Variants in ELL observed in about 807,000 individuals in gnomAD.
ELL encodes RNA polymerase II elongation factor ELL.
Under a neutral mutation model 64.0 loss-of-function variants are expected in ELL, and 18 were observed. That is an observed-to-expected ratio of 0.28 (90% confidence interval 0.19 to 0.42). The LOEUF is 0.42. Among genes scored for constraint, ELL ranks in the 10% least tolerant of loss-of-function variants. The probability of loss-of-function intolerance (pLI) is 1.00; values close to 1 mark genes in which losing one functional copy is unlikely to be tolerated. For synonymous variants in ELL, 399 were observed against 376.2 expected (o/e 1.06, Z -0.70); for missense variants, 797 against 870.4 (o/e 0.92, Z 1.06).
intron 1 of ELL, among the ~76,000 whole-genome samples, chr19:18,490,457 C>A (rs1409372687): frequency 6.6e-6 from 1 of 152,206 alleles, no homozygotes; most frequent in Non-Finnish European, 1.5e-5. Flanking sequence ...TTGTCCTCCC[C>A]GCAGCGGGAG....
chr19:18,474,875 C>A (rs1382055712), intron 1 of ELL, among the ~76,000 whole-genome samples: 1 of 152,208 alleles, frequency 6.6e-6, no homozygotes, highest in East Asian at 1.9e-4. Flanking sequence ...GTAATCCCAG[C>A]ACTTTGGGAG....
intron 6 of ELL, among the ~76,000 whole-genome samples, chr19:18,456,745 C>A (rs2007981): frequency 0.44 from 66,737 of 151,856 alleles, 16,531 homozygotes; most frequent in African/African-American, 0.69. Flanking sequence ...AACCACCCCC[C>A]AAAGCCACAT....
chr19:18,468,109 CCACACAAA>C (rs536707443), intron 2 of ELL, among the ~76,000 whole-genome samples: 55 of 149,376 alleles, frequency 3.7e-4, no homozygotes, highest in African/African-American at 1.3e-3. Context: ...CTACACACAA[CCACACAAA>C]CACAACCCAG....
At chr19:18,504,762 C>T (rs921242082) in intron 1 of ELL, among the ~76,000 whole-genome samples, 1 of 152,188 alleles carries the variant, frequency 6.6e-6, no homozygotes. Context: ...ACCAACACAC[C>T]CCATGGGCTG....
At chr19:18,483,240 T>C (rs1975342567) in intron 1 of ELL, among the ~76,000 whole-genome samples, 1 of 152,220 alleles carries the variant, frequency 6.6e-6, no homozygotes, top group Non-Finnish European at 1.5e-5. Context: ...TTTGTCTGCA[T>C]GCACCCTGGG....
At chr19:18,451,195 AGTGT>A (rs1974526042) in intron 7 of ELL, among the ~76,000 whole-genome samples, 1 of 152,180 alleles carries the variant, frequency 6.6e-6, no homozygotes, top group African/African-American at 2.4e-5. Flanking sequence ...GGCAGGGCCC[AGTGT>A]GTGAGCGGGC....
In ELL at chr19:18,444,264, G is replaced by A. The variant is rs1362607648; in HGVS notation, c.*488C>T. ...CCCTCAGAACGCAGCTGCACCTTTC[G>A]ACGACCTCTGTAATACTGCAGGCAG... On this transcript the variant is annotated 3_prime_UTR_variant, in exon 12 of 12. Coordinates refer to ENST00000262809, the MANE Select transcript of ELL (RefSeq NM_006532.4). 4.7e-5 allele frequency: 11 copies of A among 233,424 alleles called. No individual in the cohort carries two copies. The East Asian group carries it at 6.7e-4, about 14-fold the overall frequency. 14.5% of individuals were successfully genotyped at this position (233,424 alleles called of 1,614,324 possible).
intron 1 of ELL, among the ~76,000 whole-genome samples, chr19:18,490,618 T>C (rs1353181980): frequency 6.6e-6 from 1 of 152,236 alleles, no homozygotes; most frequent in Non-Finnish European, 1.5e-5. Context: ...TTGGGTCTGC[T>C]TGGTGTCTCC....
chr19:18,500,820 A>C (rs1975766318), intron 1 of ELL, among the ~76,000 whole-genome samples: 1 of 152,212 alleles, frequency 6.6e-6, no homozygotes, highest in Non-Finnish European at 1.5e-5. Context: ...TTAATACGTC[A>C]CTGAGGTACA....
intron 1 of ELL, among the ~76,000 whole-genome samples, chr19:18,496,037 G>A (rs1210919578): frequency 6.6e-6 from 1 of 152,222 alleles, no homozygotes. Context: ...GGACTGCAGA[G>A]GGCGTGGAGA....
rs765009910 is a variant in ELL, at chr19:18,461,867, C to G, written c.470-15G>C. 10 of 1,606,410 alleles carry G rather than the reference C, an allele frequency of 6.2e-6. No homozygotes were observed. The highest frequency in any genetic ancestry group is 1.7e-4 in the Middle Eastern group (1 of 6,026). The stretch of plus-strand genomic sequence containing the variant: ...AACCTTCTTGCCTGCAACAAGAATC[C>G]AAGCTTTAGGGAACAGAGAGGGCGC... On this transcript the variant is annotated splice_polypyrimidine_tract_variant and intron_variant, in intron 4 of 11. Transcript: ENST00000262809.
At chr19:18,481,157 C>G (rs1359224878) in intron 1 of ELL, among the ~76,000 whole-genome samples, 1 of 152,194 alleles carries the variant, frequency 6.6e-6, no homozygotes, top group African/African-American at 2.4e-5. Context: ...CTCCCCGCAC[C>G]CTCAGCAATC....
intron 1 of ELL, among the ~76,000 whole-genome samples, chr19:18,502,284 T>C (rs1475352723): frequency 6.6e-6 from 1 of 151,996 alleles, no homozygotes; most frequent in African/African-American, 2.4e-5. Flanking sequence ...GGGTGGACCA[T>C]GGAACAGCTG....
chr19:18,456,254 G>A (rs1057455771), intron 6 of ELL, among the ~76,000 whole-genome samples: 19 of 152,364 alleles, frequency 1.2e-4, no homozygotes, highest in African/African-American at 4.3e-4. Flanking sequence ...TTCAGCCTGC[G>A]GGGGCCGTGG....
Position 18,443,236 on chromosome 19 carries a change from T to C in ELL, c.*1516A>G, listed in dbSNP as rs1974331874. 2 of 232,168 alleles carry C rather than the reference T, an allele frequency of 8.6e-6. No individual in the cohort carries two copies. Among genetic ancestry groups the C allele is most frequent in the Non-Finnish European group, 1.7e-5 (2 of 117,378 alleles). The allele number at this position is 232,168 out of a possible 1,614,324, so 14.4% of individuals were successfully genotyped here. On this transcript the variant is annotated 3_prime_UTR_variant, in exon 12 of 12. Coordinates refer to ENST00000262809, the MANE Select transcript of ELL (RefSeq NM_006532.4). ...CAAAGAGAAAAACAACAACAGCTAT[T>C]GAAACATGAAGGATCAGTTTCCTCG...
At chr19:18,448,516 T>C (rs889005698) in intron 8 of ELL, 4 of 152,204 alleles carry the variant, frequency 2.6e-5, no homozygotes, top group African/African-American at 4.8e-5. Context: ...TGGGCATGTA[T>C]TGAATGGGTC....
At chr19:18,493,275 C>G (rs7253990) in intron 1 of ELL, among the ~76,000 whole-genome samples, 71,119 of 152,190 alleles carry the variant, frequency 0.47, 19,260 homozygotes, top group African/African-American at 0.76. Flanking sequence ...GCTGTCACCA[C>G]AGTGGCCCAC....
intron 8 of ELL, chr19:18,448,522 GGGTCTGACCCT>G (rs1206208865): frequency 6.6e-6 from 1 of 152,272 alleles, no homozygotes; most frequent in Non-Finnish European, 1.5e-5. Context: ...TGTATTGAAT[GGGTCTGACCCT>G]GGTCCGGGCC....
In ELL at chr19:18,443,458, G is replaced by C; in HGVS notation, c.*1294C>G. ...TGCTGATGGCAGCAGTGACCCCCATGTGATCCCTGGGCCCTGAGTCACAGC... is the reference window on the plus strand; with the variant it reads ...TGCTGATGGCAGCAGTGACCCCCATCTGATCCCTGGGCCCTGAGTCACAGC... On this transcript the variant is annotated 3_prime_UTR_variant, in exon 12 of 12. Coordinates refer to ENST00000262809, the MANE Select transcript of ELL (RefSeq NM_006532.4). The C allele has an allele frequency of 8.6e-6, 2 of 233,374 alleles. No homozygotes were observed. Among genetic ancestry groups the C allele is most frequent in the Non-Finnish European group, 1.7e-5 (2 of 117,992 alleles). 14.5% of individuals were successfully genotyped at this position (233,374 alleles called of 1,614,324 possible). A position where few individuals can be genotyped will look rare whatever the true frequency, so the allele number is the denominator to read the frequency against.
Sources: allele counts gnomAD v4.1 joint callset (sites outside exome capture counted in the v4.1 genomes callset), GRCh38; gene constraint gnomAD v4.1.1; transcripts MANE v1.5; gene names NCBI Gene and HGNC (gene_info 2026-07-23, HGNC 2026-07-21).